The following LMAN2 variants were observed in gnomAD, a reference collection of about 807,000 sequenced individuals.
LMAN2 encodes the protein lectin, mannose binding 2.
A neutral mutation model predicts 39.3 loss-of-function variants in LMAN2; 22 were observed. The observed-to-expected ratio is 0.56, with a 90% CI of 0.40 to 0.80. The LOEUF is 0.80. Ranked by LOEUF, LMAN2 falls within the 30% of genes least tolerant of loss-of-function variation. The pLI is 0.00. For missense variants in LMAN2, 494 were observed against 505.4 expected, an observed-to-expected ratio of 0.98 and a Z score of 0.22; for synonymous variants, 207 against 207.8, an observed-to-expected ratio of 1.00 and a Z score of 0.03.
At chr5:177,345,437 G>C (rs1307196818) in intron 2 of LMAN2, among the ~76,000 whole-genome samples, 5 of 150,648 alleles carry the variant, frequency 3.3e-5, no homozygotes, top group African/African-American at 1.2e-4. Context: ...AAGGTAAAAA[G>C]GGTTAAAGTG....
Position 177,351,223 on chromosome 5 carries a change from G to T in LMAN2, c.265C>A (p.Arg89Ser). Residue 89 changes from arginine (R) to serine (S), a missense_variant, in exon 2 of 8, where the codon CGT becomes AGT. Transcript: ENST00000303127. The part of the protein sequence containing the change: ...GSTMLTSQYV[R>S]LTPDERSKEG... ...TTGCTGCGCTCGTCAGGGGTCAGAC[G>T]TACGTACTGGCTCGTGAGCATAGTG... 1 of 1,614,220 alleles carries T rather than the reference G, an allele frequency of 6.2e-7. No homozygotes were observed. Among genetic ancestry groups the T allele is most frequent in the Non-Finnish European group, 8.5e-7 (1 of 1,180,036 alleles).
chr5:177,338,600 G>C lies in LMAN2; in HGVS notation c.321C>G (p.Cys107Trp). 6.2e-7 allele frequency: 1 copy of C among 1,614,148 alleles called. No homozygotes were observed. Among genetic ancestry groups the C allele is most frequent in the African/African-American group, 1.3e-5 (1 of 75,080 alleles). The change falls in exon 3 of 8, where the codon TGC becomes TGG. Residue 107 changes from cysteine to tryptophan, a missense_variant. Physicochemically the swap from Cys to Trp is radical, Grantham distance 215. Transcript: ENST00000303127. Reference protein sequence around the residue: ...KEGSIWNHQPCFLKDWEMHVH... With the variant: ...KEGSIWNHQPWFLKDWEMHVH... ...CGTGCATTTCCCAGTCTTTGAGGAA[G>C]CACGGCTGGAGGGAGAGCAGAATGG...
At position 177,338,493 on chromosome 5, in the gene LMAN2, A is replaced by T. The variant is rs1409349176; in HGVS notation, c.428T>A (p.Val143Glu). The change falls in exon 3 of 8, where the codon GTG becomes GAG. Residue 143 changes from valine to glutamate, a missense_variant. Val to Glu is a moderately radical substitution (Grantham distance 121). Transcript: ENST00000303127. ...IALWYTRDRL[V>E]PGPVFGSKDN... is the part of the protein sequence containing the mutation. ...CTGAGCGAACACCAGCCCACCTGGC[A>T]CGAGGCGGTCCCGGGTGTACCACAA... The T allele has an allele frequency of 1.2e-6, 2 of 1,613,774 alleles. No individual in the cohort carries two copies. Among genetic ancestry groups the T allele is most frequent in the Non-Finnish European group, 1.7e-6 (2 of 1,179,812 alleles).
rs1004536943 is a variant in LMAN2 at position 177,338,445 on chromosome 5, G to A, written c.433+43C>T. On this transcript the variant is annotated intron_variant, in intron 3 of 7. Coordinates refer to ENST00000303127, the MANE Select transcript of LMAN2 (RefSeq NM_006816.3). The stretch of plus-strand genomic sequence containing the variant: ...CCCTAGGGGGCCAGCAGCCATGCCC[G>A]TGCCCACCCCCACAGGGCCCAGCTG... 11 of 1,533,784 alleles carry A rather than the reference G, an allele frequency of 7.2e-6. 1 individual carries two copies. The highest frequency in any genetic ancestry group is 2.2e-5 in the East Asian group (1 of 44,514).
chr5:177,336,914 A>C, intron 6 of LMAN2: 27 of 542,578 alleles, frequency 5.0e-5, no homozygotes, highest in East Asian at 9.8e-5. Context: ...AGGCCCGGAC[A>C]GGCCATTTAC....
intron 2 of LMAN2, among the ~76,000 whole-genome samples, chr5:177,347,860 C>A (rs142060248): frequency 6.6e-6 from 1 of 152,070 alleles, no homozygotes; most frequent in Non-Finnish European, 1.5e-5. Context: ...GTGGTGAGCA[C>A]CTGTGTCCCA....
At chr5:177,340,002 G>T (rs1761528086) in intron 2 of LMAN2, among the ~76,000 whole-genome samples, 1 of 152,042 alleles carries the variant, frequency 6.6e-6, no homozygotes, top group Non-Finnish European at 1.5e-5. Flanking sequence ...AGAGACAGAG[G>T]AAACAGTGAG....
intron 2 of LMAN2, among the ~76,000 whole-genome samples, chr5:177,341,233 A>ATT (rs1761550132): frequency 6.6e-6 from 1 of 150,566 alleles, no homozygotes; most frequent in Admixed American, 6.6e-5. Flanking sequence ...CGCCTGGCTA[A>ATT]TTTTGTATTT....
intron 2 of LMAN2, among the ~76,000 whole-genome samples, chr5:177,342,808 CAAA>C (rs558635384): frequency 4.2e-5 from 4 of 94,232 alleles, no homozygotes; most frequent in African/African-American, 7.9e-5. Context: ...AAAGCACAGA[CAAA>C]AAAAAAAAAA....
intron 6 of LMAN2, among the ~76,000 whole-genome samples, chr5:177,336,627 A>G (rs1171153143): frequency 6.6e-6 from 1 of 152,186 alleles, no homozygotes; most frequent in African/African-American, 2.4e-5. Flanking sequence ...AGGGTCCGGA[A>G]AGACAGCAAG....
Position 177,337,547 on chromosome 5 carries a change from T to C in LMAN2, c.514-23A>G, listed in dbSNP as rs116017831. On this transcript the variant is annotated intron_variant, in intron 4 of 7. Coordinates refer to ENST00000303127, the MANE Select transcript of LMAN2 (RefSeq NM_006816.3). This position sits in a 1 kb window ranked among gnomAD's most constrained non-coding sequence, Gnocchi z 8.2. ...GCGCTGGGACCAAGACATCGGTTAC[T>C]CCACAAGCAGCCCAGCCTGTGGGGC... 7.4e-4 allele frequency: 1,196 copies of C among 1,611,386 alleles called. 5 individuals are homozygous for C. The African/African-American group carries it at 0.013, about 18-fold the overall frequency.
chr5:177,332,283 A>G lies in LMAN2; in HGVS notation c.911-37T>C, dbSNP rs1276709059. 1 of 1,598,894 alleles carries G rather than the reference A, an allele frequency of 6.3e-7. No individual in the cohort carries two copies. ...GAAACGGGGGAGCTGAAACGGCAGC[A>G]CGGGCCGGGGATCAGGGGGCTGCAG... On this transcript the variant is annotated intron_variant, in intron 7 of 7. Coordinates refer to ENST00000303127, the MANE Select transcript of LMAN2 (RefSeq NM_006816.3). This position sits in a 1 kb window ranked among gnomAD's most constrained non-coding sequence, Gnocchi z 6.3.
chr5:177,334,617 T>A, intron 6 of LMAN2: 1 of 534,990 alleles, frequency 1.9e-6, no homozygotes, highest in Non-Finnish European at 3.2e-6. Flanking sequence ...GAGAAAACAG[T>A]AAGGGCTTTA....
At chr5:177,340,969 A>C (rs1204244941) in intron 2 of LMAN2, among the ~76,000 whole-genome samples, 2 of 150,922 alleles carry the variant, frequency 1.3e-5, no homozygotes, top group Non-Finnish European at 2.9e-5. Flanking sequence ...GTTAGCCAGG[A>C]TGGTCACGAT....
At chr5:177,339,782 T>C (rs948222615) in intron 2 of LMAN2, among the ~76,000 whole-genome samples, 6 of 152,216 alleles carry the variant, frequency 3.9e-5, no homozygotes, top group African/African-American at 1.2e-4. Context: ...GGCGACTGTT[T>C]ACCATGTTTG....
chr5:177,349,214 C>T (rs988046520), intron 2 of LMAN2, among the ~76,000 whole-genome samples: 1 of 152,140 alleles, frequency 6.6e-6, no homozygotes, highest in African/African-American at 2.4e-5. Context: ...TCTAGACCAC[C>T]CCCCCTGCAC....
chr5:177,336,016 C>T (rs919850494), intron 6 of LMAN2, among the ~76,000 whole-genome samples: 1 of 152,216 alleles, frequency 6.6e-6, no homozygotes, highest in Admixed American at 6.5e-5. Context: ...CTGGGCCAAA[C>T]AGCCATTTAT....
chr5:177,338,571 T>G lies in LMAN2; in HGVS notation c.350A>C (p.His117Pro). Residue 117 changes from histidine (H) to proline (P), a missense_variant, in exon 3 of 8, where the codon CAC becomes CCC. Coordinates refer to ENST00000303127, the MANE Select transcript of LMAN2 (RefSeq NM_006816.3). ...CTTCCCTGTGCCGTGGACTTTGAAG[T>G]GGACGTGCATTTCCCAGTCTTTGAG... ...CFLKDWEMHV[H>P]FKVHGTGKKN... 3.1e-6 allele frequency: 5 copies of G among 1,614,248 alleles called. No homozygotes were observed. Among genetic ancestry groups the G allele is most frequent in the Non-Finnish European group, 4.2e-6 (5 of 1,180,040 alleles).
chr5:177,349,448 T>G (rs1442959714), intron 2 of LMAN2, among the ~76,000 whole-genome samples: 3 of 152,186 alleles, frequency 2.0e-5, no homozygotes, highest in Non-Finnish European at 2.9e-5. Context: ...CAGGAAGCAC[T>G]CCAAATGTTT....
Sources: gnomAD v4.1 joint callset for allele counts (sites outside exome capture counted in the v4.1 genomes callset) on GRCh38, gnomAD v4.1.1 for gene constraint, Gnocchi (gnomAD v3.1) non-coding constraint, MANE v1.5 for transcripts, NCBI Gene and HGNC (gene_info 2026-07-23, HGNC 2026-07-21) for gene names.